BEND4: variants seen among roughly 807,000 people sequenced by gnomAD.
BEND4 encodes the protein BEN domain-containing protein 4.
A neutral mutation model predicts 54.7 loss-of-function variants in BEND4; 27 were observed. The ratio of observed to expected loss-of-function variants is 0.49; its 90% confidence interval spans 0.36 to 0.68. The LOEUF (loss-of-function observed/expected upper bound fraction) is 0.68. BEND4 is among the 30% of genes least tolerant of loss of function. The pLI is 0.00. For synonymous variants in BEND4, 327 were observed against 299.5 expected (o/e 1.09, Z -0.95); for missense variants, 702 against 697.2 (o/e 1.01, Z -0.08).
rs1688696757 is a variant in BEND4 at position 42,151,411 on chromosome 4, G to A, written c.487+246C>T. ...CCTGGTCGCCGACTGCCACAGCCGT[G>A]CTTCCCGGCGCGGGATCCAAGCCGC... On this transcript the variant is annotated intron_variant, in intron 2 of 5. Coordinates refer to ENST00000502486, the MANE Select transcript of BEND4 (RefSeq NM_207406.4). 7 of 330,636 alleles carry A rather than the reference G, an allele frequency of 2.1e-5. No homozygotes were observed. In the South Asian group the frequency reaches 4.5e-4, roughly 21 times the overall value. 20.5% of individuals were successfully genotyped at this position (330,636 alleles called of 1,614,324 possible). A position where few individuals can be genotyped will look rare whatever the true frequency, so the allele number is the denominator to read the frequency against.
chr4:42,150,859 A>G (rs1271307291), intron 2 of BEND4, among the ~76,000 whole-genome samples: 3 of 152,230 alleles, frequency 2.0e-5, no homozygotes, highest in Non-Finnish European at 4.4e-5. Flanking sequence ...CGGGAGGGGC[A>G]GGACCCCGCG....
intron 4 of BEND4, among the ~76,000 whole-genome samples, chr4:42,123,705 A>AAACAAAAC (rs1560576039): frequency 1.4e-4 from 20 of 144,986 alleles, no homozygotes; most frequent in African/African-American, 5.5e-4. Flanking sequence ...AAAAAAAAAA[A>AAACAAAAC]AAAAAAAAAA....
At chr4:42,130,855 C>T (rs1040802637) in intron 3 of BEND4, among the ~76,000 whole-genome samples, 2 of 151,326 alleles carry the variant, frequency 1.3e-5, no homozygotes, top group Non-Finnish European at 2.9e-5. Context: ...AAATGTGGTG[C>T]ACAAACACCA....
rs573433865 is a variant in BEND4, at chr4:42,150,887, G to C, written c.487+770C>G. 1.2e-4 allele frequency: 19 copies of C among 152,426 alleles called. 1 individual carries two copies. The highest frequency in any genetic ancestry group is 1.1e-3 in the Admixed American group (17 of 15,312). The allele number at this position is 152,426 out of a possible 1,614,324, so 9.4% of individuals were successfully genotyped here. The stretch of plus-strand genomic sequence containing the variant: ...ACCCCGCGGCGCGGCAGCGTGCCAC[G>C]GACGGGGACGAGGGGATGGCGGGGA... On this transcript the variant is annotated intron_variant, in intron 2 of 5. Coordinates refer to ENST00000502486, the MANE Select transcript of BEND4 (RefSeq NM_207406.4).
chr4:42,126,423 A>C (rs573560367), intron 3 of BEND4, among the ~76,000 whole-genome samples: 5 of 152,236 alleles, frequency 3.3e-5, no homozygotes, highest in Non-Finnish European at 5.9e-5. Context: ...CAGTAAGCAG[A>C]ATTCCATACA....
At chr4:42,145,977 G>A (rs1560584542) in intron 2 of BEND4, among the ~76,000 whole-genome samples, 2 of 152,174 alleles carry the variant, frequency 1.3e-5, no homozygotes, top group Non-Finnish European at 2.9e-5. Flanking sequence ...TGAGGTAGGG[G>A]TAGCAAGTCC....
rs1048150758 is a variant in BEND4, at chr4:42,123,896, A to G, written c.1146+1687T>C. ...GGGGTTGGTGGGGCCTTTACTGAAA[A>G]CAGGAGGAACTGCAGATGGGTATTC... On this transcript the variant is annotated intron_variant, in intron 4 of 5. Coordinates refer to ENST00000502486, the MANE Select transcript of BEND4 (RefSeq NM_207406.4). Among the ~76,000 whole-genome samples, 4 of 152,044 alleles carry G rather than the reference A, an allele frequency of 2.6e-5. No individual in the cohort carries two copies. In the East Asian group the frequency reaches 5.8e-4, roughly 22 times the overall value.
At chr4:42,130,219 G>A (rs1346401374) in intron 3 of BEND4, among the ~76,000 whole-genome samples, 4 of 152,130 alleles carry the variant, frequency 2.6e-5, no homozygotes, top group Admixed American at 6.5e-5. Context: ...AGTGGTTCAC[G>A]CCTGTAATCC....
intron 3 of BEND4, among the ~76,000 whole-genome samples, chr4:42,128,860 C>T (rs755561810): frequency 6.6e-6 from 1 of 151,924 alleles, no homozygotes; most frequent in African/African-American, 2.4e-5. Flanking sequence ...GGCGTGAACT[C>T]GGGAGGCGGA....
Position 42,112,887 on chromosome 4 carries a change from G to C in BEND4, c.*4631C>G, listed in dbSNP as rs937388306. On this transcript the variant is annotated 3_prime_UTR_variant, in exon 6 of 6. Coordinates refer to ENST00000502486, the MANE Select transcript of BEND4 (RefSeq NM_207406.4). Reference sequence around the variant, plus strand: ...ATAAATAAAAGAACCAGTGCCACTGGCTGACAGTGTAACTTTGCAGAGGAC... The same window carrying C: ...ATAAATAAAAGAACCAGTGCCACTGCCTGACAGTGTAACTTTGCAGAGGAC... 1.3e-5 allele frequency: 2 copies of C among 152,078 alleles called. No homozygotes were observed. Among genetic ancestry groups the C allele is most frequent in the African/African-American group, 4.8e-5 (2 of 41,420 alleles). 9.4% of individuals were successfully genotyped at this position (152,078 alleles called of 1,614,324 possible).
At chr4:42,118,524 C>T (rs1285610435) in intron 5 of BEND4, among the ~76,000 whole-genome samples, 1 of 152,184 alleles carries the variant, frequency 6.6e-6, no homozygotes, top group Non-Finnish European at 1.5e-5. Flanking sequence ...GCAGCCTGGA[C>T]TGCATCAGGC....
At chr4:42,146,920 T>C (rs1294405110) in intron 2 of BEND4, among the ~76,000 whole-genome samples, 3 of 152,172 alleles carry the variant, frequency 2.0e-5, no homozygotes, top group African/African-American at 4.8e-5. Flanking sequence ...GAGTATAGAT[T>C]TTAAGGGAAA....
Position 42,144,043 on chromosome 4 carries a change from G to C in BEND4, c.488-49C>G, listed in dbSNP as rs759483697. On this transcript the variant is annotated intron_variant, in intron 2 of 5. Transcript: ENST00000502486. ...CAGTGACCAACAGCCAACGGCAAAA[G>C]ATAAATAAAGTCCTCAATTTTCAGC... The C allele has an allele frequency of 4.6e-6, 6 of 1,316,472 alleles. No individual in the cohort carries two copies. In the African/African-American group the frequency reaches 8.7e-5, roughly 19 times the overall value. The allele number at this position is 1,316,472 out of a possible 1,614,324, so 81.5% of individuals were successfully genotyped here.
At chr4:42,149,166 G>C (rs1478406704) in intron 2 of BEND4, among the ~76,000 whole-genome samples, 2 of 152,142 alleles carry the variant, frequency 1.3e-5, no homozygotes, top group Admixed American at 6.5e-5. Context: ...TTCTGCGAGG[G>C]TGCAACAGGC....
rs1443789813 is a variant in BEND4 at position 42,115,406 on chromosome 4, A to G, written c.*2112T>C. On this transcript the variant is annotated 3_prime_UTR_variant, in exon 6 of 6. Transcript: ENST00000502486. ...GCTCTCATCAGCCTCAGCGAAGACC[A>G]GCACGATAGGGCTCCAAGATGATAT... 6.6e-6 allele frequency: 1 copy of G among 152,242 alleles called. No individual in the cohort carries two copies. Among genetic ancestry groups the G allele is most frequent in the African/African-American group, 2.4e-5 (1 of 41,478 alleles). 9.4% of individuals were successfully genotyped at this position (152,242 alleles called of 1,614,324 possible). A position where few individuals can be genotyped will look rare whatever the true frequency, so the allele number is the denominator to read the frequency against.
At chr4:42,130,947 T>C (rs1251808559) in intron 3 of BEND4, among the ~76,000 whole-genome samples, 1 of 152,146 alleles carries the variant, frequency 6.6e-6, no homozygotes, top group Non-Finnish European at 1.5e-5. Flanking sequence ...GCCATTATCC[T>C]CAGCAAACTA....
intron 4 of BEND4, among the ~76,000 whole-genome samples, chr4:42,121,232 G>C (rs16854047): frequency 0.012 from 1,902 of 152,228 alleles, 47 homozygotes; most frequent in African/African-American, 0.044. Context: ...GATCTGATAG[G>C]GTTTTATTTC....
chr4:42,112,941 C>T lies in BEND4; in HGVS notation c.*4577G>A, dbSNP rs1719633707. ...CCATCTGCTGGGTGACGTTTTCCTACATTACTCCAACTGAAGTGGTTATTT... is the reference window on the plus strand; with the variant it reads ...CCATCTGCTGGGTGACGTTTTCCTATATTACTCCAACTGAAGTGGTTATTT... On this transcript the variant is annotated 3_prime_UTR_variant, in exon 6 of 6. Transcript: ENST00000502486. 1 of 152,180 alleles carries T rather than the reference C, an allele frequency of 6.6e-6. No individual in the cohort carries two copies. The highest frequency in any genetic ancestry group is 2.4e-5 in the African/African-American group (1 of 41,450). The allele number at this position is 152,180 out of a possible 1,614,324, so 9.4% of individuals were successfully genotyped here.
At chr4:42,134,824 G>T (rs1000384129) in intron 3 of BEND4, among the ~76,000 whole-genome samples, 5 of 152,180 alleles carry the variant, frequency 3.3e-5, no homozygotes, top group Non-Finnish European at 7.3e-5. Context: ...GGAATAGCTG[G>T]AGTAAAGGAA....
Sources: gnomAD v4.1 joint callset for allele counts (sites outside exome capture counted in the v4.1 genomes callset) on GRCh38, gnomAD v4.1.1 for gene constraint, MANE v1.5 for transcripts, NCBI Gene and HGNC (gene_info 2026-07-23, HGNC 2026-07-21) for gene names.